The following PCNX2 variants were observed in gnomAD, a reference collection of about 807,000 sequenced individuals.
PCNX2 encodes pecanex 2.
PCNX2 carries 168 observed loss-of-function variants against 223.8 expected under a neutral mutation model. The observed-to-expected ratio is 0.75, with a 90% CI of 0.66 to 0.85. The LOEUF (loss-of-function observed/expected upper bound fraction) is 0.85. PCNX2 is among the 40% of genes least tolerant of loss of function. The probability of loss-of-function intolerance (pLI) is 0.00; values close to 1 mark genes in which losing one functional copy is unlikely to be tolerated. For synonymous variants in PCNX2, 1,006 were observed against 1,052.6 expected, an observed-to-expected ratio of 0.96 and a Z score of 0.86; for missense variants, 2,507 against 2,675.5, an observed-to-expected ratio of 0.94 and a Z score of 1.39.
rs750464762 is a variant in PCNX2, at chr1:233,263,112, T to C, written c.205A>G (p.Ile69Val). 12 of 1,613,062 alleles carry C rather than the reference T, an allele frequency of 7.4e-6. No individual in the cohort carries two copies. Among genetic ancestry groups the C allele is most frequent in the East Asian group, 2.2e-5 (1 of 44,822 alleles). The change falls in exon 2 of 34, where the codon ATA (isoleucine) becomes GTA (valine). Residue 69 changes from isoleucine (I) to valine (V), a missense_variant. Around this residue, in one of 3 missense-constraint regions of PCNX2, gnomAD observed 1,031 missense variants for 1,021.7 expected, o/e 1.01. Coordinates refer to ENST00000258229, the MANE Select transcript of PCNX2 (RefSeq NM_014801.4). ...ACCAGTTTGATTATTGTGAAGAATA[T>C]AGTCACTGCACTGCAGTAGAAAAAT... The part of the protein sequence containing the change: ...IVFFYCSAVT[I>V]FFTIIKLVSY...
chr1:233,262,014 A>C (rs1180903128), intron 3 of PCNX2, 31 bp downstream of exon 3: 1 of 1,612,584 alleles, frequency 6.2e-7, no homozygotes. Context: ...AATCACATGA[A>C]GAGGGTGAAA....
Position 232,984,803 on chromosome 1 carries a change from A to T in PCNX2, c.6241-326T>A, listed in dbSNP as rs534368225. On this transcript the variant is annotated intron_variant, in intron 33 of 33. Coordinates refer to ENST00000258229, the MANE Select transcript of PCNX2 (RefSeq NM_014801.4). ...AGTCAGTGTCACTTCATGCACACTTAGCCCCTGTCATGAATGCTGAGTTCT... is the reference window on the plus strand; with the variant it reads ...AGTCAGTGTCACTTCATGCACACTTTGCCCCTGTCATGAATGCTGAGTTCT... 2.6e-5 allele frequency: 6 copies of T among 228,286 alleles called. No homozygotes were observed. The East Asian group carries it at 5.6e-4, about 21-fold the overall frequency. 14.1% of individuals were successfully genotyped at this position (228,286 alleles called of 1,614,324 possible).
At chr1:233,233,732 G>A (rs1001618537) in intron 9 of PCNX2, among the ~76,000 whole-genome samples, 5 of 151,910 alleles carry the variant, frequency 3.3e-5, no homozygotes, top group Non-Finnish European at 7.4e-5. Flanking sequence ...GAGGCAGGGA[G>A]GATGGGGGAA....
chr1:233,122,540 TGAGATG>T (rs1239322978), intron 21 of PCNX2, among the ~76,000 whole-genome samples: 3 of 151,696 alleles, frequency 2.0e-5, no homozygotes, highest in Non-Finnish European at 4.4e-5. Flanking sequence ...TTTTTTTTTT[TGAGATG>T]TAGTTTCACT....
chr1:233,255,178 C>A (rs1659663835), intron 5 of PCNX2, among the ~76,000 whole-genome samples: 1 of 152,036 alleles, frequency 6.6e-6, no homozygotes, highest in South Asian at 2.1e-4. Context: ...AAACAATAAC[C>A]CCCATAATAA....
At chr1:233,164,899 G>A (rs1301745505) in intron 17 of PCNX2, among the ~76,000 whole-genome samples, 3 of 152,054 alleles carry the variant, frequency 2.0e-5, no homozygotes, top group Admixed American at 2.0e-4. Flanking sequence ...AGGGGGAGGA[G>A]AGATTGTTCA....
At chr1:233,233,085 G>A in intron 9 of PCNX2, 4 of 921,494 alleles carry the variant, frequency 4.3e-6, no homozygotes, top group Non-Finnish European at 5.2e-6. Flanking sequence ...TCAACCAGCA[G>A]TGTAATAAGC....
At chr1:233,268,273 C>T (rs1572179342) in intron 1 of PCNX2, among the ~76,000 whole-genome samples, 1 of 152,156 alleles carries the variant, frequency 6.6e-6, no homozygotes, top group East Asian at 1.9e-4. Flanking sequence ...TGTGTTACAT[C>T]ACTCTGGTTT....
chr1:233,274,909 C>A (rs764671205), intron 1 of PCNX2, among the ~76,000 whole-genome samples: 6 of 152,154 alleles, frequency 3.9e-5, no homozygotes, highest in Admixed American at 6.5e-5. Flanking sequence ...CTACATTTTA[C>A]AAACTCATCC....
chr1:233,260,237 T>C (rs558696675), intron 4 of PCNX2, among the ~76,000 whole-genome samples: 1 of 152,326 alleles, frequency 6.6e-6, no homozygotes, highest in African/African-American at 2.4e-5. Context: ...TTTTACATAC[T>C]ATGACTCAGA....
chr1:233,223,009 G>T (rs1657484019), intron 10 of PCNX2, among the ~76,000 whole-genome samples: 2 of 152,212 alleles, frequency 1.3e-5, no homozygotes, highest in South Asian at 4.1e-4. Context: ...CATCACCAAA[G>T]AAAGGAGGGC....
intron 21 of PCNX2, among the ~76,000 whole-genome samples, chr1:233,110,804 C>A (rs186365219): frequency 6.7e-6 from 1 of 150,106 alleles, no homozygotes; most frequent in Non-Finnish European, 1.5e-5. Flanking sequence ...ATTATTTAAA[C>A]GTAATATTAT....
At chr1:233,252,172 C>T (rs908332565) in intron 7 of PCNX2, among the ~76,000 whole-genome samples, 182 bp downstream of exon 7, 1 of 152,236 alleles carries the variant, frequency 6.6e-6, no homozygotes, top group African/African-American at 2.4e-5. Flanking sequence ...TGGGGCACAG[C>T]ACGTGTAAAG....
chr1:233,072,739 G>A (rs980663304), intron 23 of PCNX2, among the ~76,000 whole-genome samples: 18 of 152,176 alleles, frequency 1.2e-4, no homozygotes, highest in Non-Finnish European at 5.9e-5. Context: ...ATTCTCATCT[G>A]GTCACAGTGT....
chr1:233,272,182 A>G (rs1660670544), intron 1 of PCNX2, among the ~76,000 whole-genome samples: 1 of 152,194 alleles, frequency 6.6e-6, no homozygotes, highest in Non-Finnish European at 1.5e-5. Flanking sequence ...CAGCAAAAGA[A>G]ACAATCAGCA....
At chr1:233,047,056 G>GT (rs1671847924) in intron 25 of PCNX2, among the ~76,000 whole-genome samples, 2 of 152,266 alleles carry the variant, frequency 1.3e-5, no homozygotes, top group South Asian at 4.1e-4. Flanking sequence ...GGGAGACTGA[G>GT]TGGTACCATG....
At chr1:233,320,196 C>T in the PCNX2 span, among the ~76,000 whole-genome samples, 1,158 of 152,156 alleles carry the variant, frequency 7.6e-3, 21 homozygotes, top group East Asian at 0.064. Context: ...ATCCTAAAAC[C>T]TTTCACCTGA....
At position 232,990,708 on chromosome 1, in the gene PCNX2, C is replaced by G. The variant is rs1669666349; in HGVS notation, c.5792-4168G>C. Among the ~76,000 whole-genome samples the G allele has an allele frequency of 6.6e-6, 1 of 152,158 alleles. No homozygotes were observed. The highest frequency in any genetic ancestry group is 2.1e-4 in the South Asian group (1 of 4,828). ...GTGGCCCCTGCAGCCGTCTCTGTCC[C>G]CACAGGGCCAGGAAGCTGTGGAGAC... is the stretch of plus-strand genomic sequence containing the variant. On this transcript the variant is annotated intron_variant, in intron 32 of 33. Transcript: ENST00000258229. This position sits in a 1 kb window ranked among gnomAD's most constrained non-coding sequence, Gnocchi z 4.3.
the PCNX2 span, among the ~76,000 whole-genome samples, chr1:233,320,523 C>T: frequency 6.0e-3 from 919 of 152,252 alleles, 19 homozygotes; most frequent in East Asian, 0.063. Flanking sequence ...ACCTCTCTAA[C>T]TCTTGATAAC....
Sources: gnomAD v4.1 joint callset for allele counts (sites outside exome capture counted in the v4.1 genomes callset) on GRCh38, gnomAD v4.1.1 for gene constraint, gnomAD v4.1.1 regional missense constraint, Gnocchi (gnomAD v3.1) non-coding constraint, MANE v1.5 for transcripts, NCBI Gene and HGNC (gene_info 2026-07-23, HGNC 2026-07-21) for gene names.